HIVEP3: variants seen among roughly 807,000 people sequenced by gnomAD.
HIVEP3 encodes the protein HIVEP zinc finger 3, also known as transcription factor HIVEP3.
Under a neutral mutation model 152.8 loss-of-function variants are expected in HIVEP3, and 49 were observed. The ratio of observed to expected loss-of-function variants is 0.32; its 90% CI spans 0.26 to 0.41. The LOEUF (loss-of-function observed/expected upper bound fraction) is 0.41, where lower values mean the gene tolerates loss of function less well. Among genes scored for constraint, HIVEP3 ranks in the 10% least tolerant of loss-of-function variants. HIVEP3 has a pLI of 1.00. For missense variants in HIVEP3, 2,790 were observed against 3,103.3 expected (o/e 0.90, Z 2.40); for synonymous variants, 1,269 against 1,289.0 (o/e 0.98, Z 0.33).
At chr1:41,606,606 C>A (rs1265630095) in intron 3 of HIVEP3, among the ~76,000 whole-genome samples, 3 of 151,894 alleles carry the variant, frequency 2.0e-5, no homozygotes, top group African/African-American at 7.3e-5. Flanking sequence ...TCTTCTTGAA[C>A]CTCATTTAAT....
intron 1 of HIVEP3, among the ~76,000 whole-genome samples, chr1:41,840,277 G>A (rs760264040): frequency 5.3e-5 from 8 of 152,168 alleles, no homozygotes; most frequent in Non-Finnish European, 1.2e-4. Context: ...AAGTCATATT[G>A]GAATAGAGTA....
chr1:41,685,715 A>G (rs1646104107), intron 2 of HIVEP3, among the ~76,000 whole-genome samples: 1 of 152,198 alleles, frequency 6.6e-6, no homozygotes, highest in South Asian at 2.1e-4. Context: ...AAATAAATAT[A>G]CTTGAACTTA....
At position 41,580,664 on chromosome 1, in the gene HIVEP3, G is replaced by A. The variant is rs1261709494; in HGVS notation, c.4134C>T (p.Pro1378=). The A allele has an allele frequency of 7.4e-6, 12 of 1,613,670 alleles. No individual in the cohort carries two copies. The highest frequency in any genetic ancestry group is 2.2e-5 in the East Asian group (1 of 44,880). The change falls in exon 4 of 9, where the codon CCC becomes CCT. Residue 1378 remains proline (P), a synonymous_variant. Coordinates refer to ENST00000372583, the MANE Select transcript of HIVEP3 (RefSeq NM_024503.5). ...VCGADVHEVG[P]GPSGLSEEQS... is the part of the protein sequence containing the mutation. Reference sequence around the variant, plus strand: ...GCTCTTCACTTAACCCAGAAGGGCCGGGCCCAACCTCATGCACATCTGCAC... The same window carrying A: ...GCTCTTCACTTAACCCAGAAGGGCCAGGCCCAACCTCATGCACATCTGCAC...
At chr1:41,616,218 T>C (rs1644966097) in intron 3 of HIVEP3, among the ~76,000 whole-genome samples, 1 of 152,062 alleles carries the variant, frequency 6.6e-6, no homozygotes, top group Admixed American at 6.5e-5. Flanking sequence ...CCCATGGGTC[T>C]AGGAGGAAAC....
intron 1 of HIVEP3, among the ~76,000 whole-genome samples, chr1:42,031,015 C>T (rs1191890091): frequency 1.3e-5 from 2 of 152,204 alleles, no homozygotes; most frequent in Admixed American, 1.3e-4. Flanking sequence ...CTGGGAAGTG[C>T]TCAGACTCTC....
chr1:41,510,835 C>T lies in HIVEP3; in HGVS notation c.6837G>A (p.Glu2279=), dbSNP rs368942919. The T allele has an allele frequency of 6.2e-7, 1 of 1,612,968 alleles. No homozygotes were observed. Among genetic ancestry groups the T allele is most frequent in the Non-Finnish European group, 8.5e-7 (1 of 1,179,854 alleles). The change falls in exon 9 of 9, where the codon GAG becomes GAA. Residue 2279 remains glutamate, a synonymous_variant. Coordinates refer to ENST00000372583, the MANE Select transcript of HIVEP3 (RefSeq NM_024503.5). The stretch of plus-strand genomic sequence containing the variant: ...GCCTGCCCGGGCCTCCGCCGGTCCT[C>T]TCCCTCTCCTTGGGGTAGTCCCCGC... ...LEGGDYPKER[E]RTGGGPGRPP...
intron 2 of HIVEP3, among the ~76,000 whole-genome samples, chr1:41,645,790 G>C (rs1384382687): frequency 1.3e-5 from 2 of 152,180 alleles, no homozygotes; most frequent in African/African-American, 4.8e-5. Context: ...GTTTGAAAGA[G>C]AGTGAACCTG....
At chr1:41,755,232 T>C (rs956744485) in intron 1 of HIVEP3, among the ~76,000 whole-genome samples, 3 of 152,254 alleles carry the variant, frequency 2.0e-5, no homozygotes, top group Admixed American at 6.5e-5. Flanking sequence ...CAAGCGGTGC[T>C]AGAAATATTA....
At chr1:41,593,512 T>C (rs1644619077) in intron 3 of HIVEP3, among the ~76,000 whole-genome samples, 1 of 152,216 alleles carries the variant, frequency 6.6e-6, no homozygotes, top group Non-Finnish European at 1.5e-5. Flanking sequence ...TATGAGTATA[T>C]CACAGGCTAA....
chr1:41,963,617 A>G (rs1176717239), intron 1 of HIVEP3, among the ~76,000 whole-genome samples: 3 of 152,140 alleles, frequency 2.0e-5, no homozygotes, highest in East Asian at 3.9e-4. Context: ...TGGCACATGT[A>G]TACATATGTA....
At chr1:41,978,946 T>C (rs1645279597) in intron 1 of HIVEP3, among the ~76,000 whole-genome samples, 1 of 152,054 alleles carries the variant, frequency 6.6e-6, no homozygotes, top group African/African-American at 2.4e-5. Context: ...AGGAACTGCA[T>C]TGTCATCTTT....
chr1:41,818,646 T>C (rs1286656872), intron 1 of HIVEP3, among the ~76,000 whole-genome samples: 1 of 152,140 alleles, frequency 6.6e-6, no homozygotes, highest in African/African-American at 2.4e-5. Flanking sequence ...ACATTGGACA[T>C]ACCATACCGA....
intron 5 of HIVEP3, among the ~76,000 whole-genome samples, chr1:41,564,066 T>C (rs995553613): frequency 2.0e-5 from 3 of 151,828 alleles, no homozygotes; most frequent in African/African-American, 7.3e-5. Context: ...GGTGGCGGGC[T>C]CCTGTAGTCC....
intron 5 of HIVEP3, among the ~76,000 whole-genome samples, chr1:41,527,707 C>CA (rs1643041458): frequency 6.8e-6 from 1 of 146,178 alleles, no homozygotes; most frequent in Non-Finnish European, 1.5e-5. Context: ...CACACACCCC[C>CA]ACCCTCACAT....
chr1:42,003,728 G>C (rs1300000558), intron 1 of HIVEP3, among the ~76,000 whole-genome samples: 1 of 150,974 alleles, frequency 6.6e-6, no homozygotes, highest in East Asian at 2.0e-4. Flanking sequence ...TGCTGACAAG[G>C]ATTATAAGGT....
At chr1:41,526,488 C>T (rs1420508467) in intron 5 of HIVEP3, among the ~76,000 whole-genome samples, 1 of 128,582 alleles carries the variant, frequency 7.8e-6, no homozygotes, top group South Asian at 2.9e-4. Context: ...TCACACTCAC[C>T]TTCACACTCC....
At chr1:41,567,820 C>A (rs1370414468) in intron 5 of HIVEP3, among the ~76,000 whole-genome samples, 9 of 152,224 alleles carry the variant, frequency 5.9e-5, no homozygotes, top group Non-Finnish European at 1.2e-4. Flanking sequence ...CCAGAGCCTG[C>A]CCCATAACAG....
At position 41,513,412 on chromosome 1, in the gene HIVEP3, G is replaced by A. The variant is rs1444098477; in HGVS notation, c.5809C>T (p.Pro1937Ser). 1.2e-6 allele frequency: 2 copies of A among 1,612,052 alleles called. No homozygotes were observed. The highest frequency in any genetic ancestry group is 1.7e-6 in the Non-Finnish European group (2 of 1,179,368). The change falls in exon 8 of 9, where the codon CCG (proline) becomes TCG (serine). Residue 1937 changes from proline (P) to serine (S), a missense_variant. By Grantham distance (74) the Pro-to-Ser change is moderately conservative. This residue lies in a region of HIVEP3 where 816 missense variants were observed against 806.5 expected (regional missense o/e 1.01). Coordinates refer to ENST00000372583, the MANE Select transcript of HIVEP3 (RefSeq NM_024503.5). ...SSCSMSSQSM[P>S]GLPWLGPAPL... is the part of the protein sequence containing the mutation. ...GCCGGTCCCAGCCAGGGGAGGCCCG[G>A]CATGCTCTGGCTGGACATGGAGCAG... is the stretch of plus-strand genomic sequence containing the variant.
intron 1 of HIVEP3, among the ~76,000 whole-genome samples, chr1:41,745,010 T>C (rs1451683518): frequency 1.3e-5 from 2 of 152,174 alleles, no homozygotes; most frequent in East Asian, 3.9e-4. Flanking sequence ...TCAGCCAGTC[T>C]CAGGATTGTG....
Sources: gnomAD v4.1 joint callset for allele counts (sites outside exome capture counted in the v4.1 genomes callset) on GRCh38, gnomAD v4.1.1 for gene constraint, gnomAD v4.1.1 regional missense constraint, MANE v1.5 for transcripts, NCBI Gene and HGNC (gene_info 2026-07-23, HGNC 2026-07-21) for gene names.